Variants in AKAP6 observed in about 807,000 individuals in gnomAD.
The protein encoded by AKAP6 is A-kinase anchoring protein 6, also known as A-kinase anchor protein 6.
A neutral mutation model predicts 188.5 loss-of-function variants in AKAP6; 58 were observed. That is an observed-to-expected ratio of 0.31 (90% CI 0.25 to 0.38). The LOEUF (loss-of-function observed/expected upper bound fraction) is 0.38. Among genes scored for constraint, AKAP6 ranks in the 10% least tolerant of loss-of-function variants. AKAP6 has a pLI of 1.00. For missense variants in AKAP6, 2,710 were observed against 2,740.0 expected, an observed-to-expected ratio of 0.99 and a Z score of 0.24; for synonymous variants, 989 against 998.6, an observed-to-expected ratio of 0.99 and a Z score of 0.18.
At chr14:32,638,497 C>T (rs983776807) in intron 7 of AKAP6, among the ~76,000 whole-genome samples, 26 of 152,168 alleles carry the variant, frequency 1.7e-4, no homozygotes, top group African/African-American at 6.0e-4. Flanking sequence ...AAGAAATGAG[C>T]ATACAATCAG....
chr14:32,426,127 A>T (rs1399687549), intron 1 of AKAP6, among the ~76,000 whole-genome samples: 21 of 152,162 alleles, frequency 1.4e-4, no homozygotes. Context: ...TTTATAAGCC[A>T]TCTGAAATGT....
At chr14:32,747,972 G>GGCT (rs1411776781) in intron 11 of AKAP6, among the ~76,000 whole-genome samples, 1 of 152,154 alleles carries the variant, frequency 6.6e-6, no homozygotes, top group Non-Finnish European at 1.5e-5. Context: ...GGAAGTCAAG[G>GGCT]GCTGTCATGC....
chr14:32,390,153 G>A (rs1391963237), intron 1 of AKAP6, among the ~76,000 whole-genome samples: 1 of 152,068 alleles, frequency 6.6e-6, no homozygotes, highest in East Asian at 1.9e-4. Flanking sequence ...AGACTTTCCA[G>A]AGCATTTTGC....
intron 2 of AKAP6, among the ~76,000 whole-genome samples, chr14:32,453,453 T>C (rs770262766): frequency 2.0e-5 from 3 of 152,170 alleles, no homozygotes; most frequent in Non-Finnish European, 4.4e-5. Flanking sequence ...AACTATTAGT[T>C]ATCTAGAAGT....
At chr14:32,732,819 T>C in intron 10 of AKAP6, 1 of 627,934 alleles carries the variant, frequency 1.6e-6, no homozygotes, top group South Asian at 2.0e-5. Context: ...ATTTTAATAA[T>C]TTTGGTTCTT....
chr14:32,631,396 A>G (rs1030474644), intron 7 of AKAP6, among the ~76,000 whole-genome samples: 1 of 151,982 alleles, frequency 6.6e-6, no homozygotes, highest in African/African-American at 2.4e-5. Flanking sequence ...TGATTTCCTG[A>G]TTGGATTTCA....
At chr14:32,503,868 T>C (rs1880728657) in intron 2 of AKAP6, among the ~76,000 whole-genome samples, 1 of 152,012 alleles carries the variant, frequency 6.6e-6, no homozygotes, top group African/African-American at 2.4e-5. Context: ...GTCCATTTTT[T>C]TGTTAGAATC....
At chr14:32,485,445 C>A (rs924219360) in intron 2 of AKAP6, among the ~76,000 whole-genome samples, 1 of 152,136 alleles carries the variant, frequency 6.6e-6, no homozygotes, top group Non-Finnish European at 1.5e-5. Flanking sequence ...TAAAAGCATT[C>A]CTATTTCTCC....
At chr14:32,740,007 C>T (rs922826870) in intron 11 of AKAP6, among the ~76,000 whole-genome samples, 9 of 152,074 alleles carry the variant, frequency 5.9e-5, no homozygotes, top group Non-Finnish European at 1.3e-4. Context: ...AACAAAAGTT[C>T]CCTTTTCTCC....
At chr14:32,643,985 A>G (rs1366980971) in intron 7 of AKAP6, among the ~76,000 whole-genome samples, 1 of 152,198 alleles carries the variant, frequency 6.6e-6, no homozygotes, top group African/African-American at 2.4e-5. Context: ...TATTCACCTG[A>G]CACACTGAAA....
intron 12 of AKAP6, among the ~76,000 whole-genome samples, chr14:32,802,685 T>C (rs1291365107): frequency 6.6e-6 from 1 of 152,250 alleles, no homozygotes; most frequent in Non-Finnish European, 1.5e-5. Flanking sequence ...CATATAAAGA[T>C]ATTCATCATG....
At chr14:32,380,435 C>A (rs1275904807) in intron 1 of AKAP6, among the ~76,000 whole-genome samples, 1 of 152,186 alleles carries the variant, frequency 6.6e-6, no homozygotes, top group Non-Finnish European at 1.5e-5. Context: ...CCTGCCAGTG[C>A]CTACCTCAGA....
intron 4 of AKAP6, among the ~76,000 whole-genome samples, chr14:32,550,612 C>T (rs1378234162): frequency 6.6e-6 from 1 of 152,204 alleles, no homozygotes; most frequent in African/African-American, 2.4e-5. Flanking sequence ...ACCTCCAGGT[C>T]AACTGGCCTT....
chr14:32,394,881 T>C (rs1044576942), intron 1 of AKAP6, among the ~76,000 whole-genome samples: 1 of 152,156 alleles, frequency 6.6e-6, no homozygotes, highest in Non-Finnish European at 1.5e-5. Context: ...GAGGAAAATA[T>C]CTCTGCAAAA....
intron 5 of AKAP6, among the ~76,000 whole-genome samples, chr14:32,581,049 G>A (rs1884945587): frequency 1.3e-5 from 2 of 152,172 alleles, no homozygotes; most frequent in African/African-American, 4.8e-5. Flanking sequence ...ATGATTTAAA[G>A]TCCTTTGGGT....
At chr14:32,445,531 C>A (rs930435619) in intron 2 of AKAP6, among the ~76,000 whole-genome samples, 21 of 152,040 alleles carry the variant, frequency 1.4e-4, no homozygotes, top group Middle Eastern at 3.2e-3. Context: ...TGACACCATG[C>A]CCAGCTAATT....
intron 1 of AKAP6, among the ~76,000 whole-genome samples, chr14:32,339,446 C>A (rs1886824836): frequency 6.6e-6 from 1 of 152,098 alleles, no homozygotes; most frequent in Non-Finnish European, 1.5e-5. Context: ...GGGATATTGC[C>A]TGGGAAGCTC....
intron 2 of AKAP6, among the ~76,000 whole-genome samples, chr14:32,527,487 A>G (rs555660624): frequency 2.6e-5 from 4 of 152,204 alleles, no homozygotes; most frequent in Non-Finnish European, 5.9e-5. Flanking sequence ...AAGGAGTGCG[A>G]TTGCTGGTTT....
chr14:32,478,151 A>G (rs976735622), intron 2 of AKAP6, among the ~76,000 whole-genome samples: 4 of 152,168 alleles, frequency 2.6e-5, no homozygotes, highest in Admixed American at 6.5e-5. Flanking sequence ...TGTGCTGAGC[A>G]TTTGCCTTGT....
Sources: gnomAD v4.1 joint callset for allele counts (sites outside exome capture counted in the v4.1 genomes callset) on GRCh38, gnomAD v4.1.1 for gene constraint, MANE v1.5 for transcripts, NCBI Gene and HGNC (gene_info 2026-07-23, HGNC 2026-07-21) for gene names.